Variants in HHIP observed in about 807,000 individuals in gnomAD.
The protein encoded by HHIP is hedgehog interacting protein, also known as hedgehog-interacting protein.
HHIP carries 12 observed loss-of-function variants against 74.0 expected under a neutral mutation model. The ratio of observed to expected loss-of-function variants is 0.16; its 90% CI spans 0.10 to 0.26. The LOEUF (loss-of-function observed/expected upper bound fraction) is 0.26. Among genes scored for constraint, HHIP ranks in the 10% least tolerant of loss-of-function variants. The pLI is 1.00. For missense variants in HHIP, 788 were observed against 845.0 expected (o/e 0.93, Z 0.84); for synonymous variants, 309 against 311.6 (o/e 0.99, Z 0.09).
chr4:144,717,430 C>A (rs1730485391), intron 10 of HHIP, among the ~76,000 whole-genome samples: 1 of 151,836 alleles, frequency 6.6e-6, no homozygotes, highest in African/African-American at 2.4e-5. Flanking sequence ...CTGTGTAAAT[C>A]CTTTTCAGAA....
At chr4:144,717,594 A>G (rs1348497083) in intron 10 of HHIP, among the ~76,000 whole-genome samples, 1 of 152,192 alleles carries the variant, frequency 6.6e-6, no homozygotes, top group Non-Finnish European at 1.5e-5. Context: ...TGATCAATTC[A>G]ACACATAGAA....
At chr4:144,676,464 G>A (rs1210510695) in intron 4 of HHIP, among the ~76,000 whole-genome samples, 1 of 152,146 alleles carries the variant, frequency 6.6e-6, no homozygotes, top group African/African-American at 2.4e-5. Context: ...TTTTTGTTTG[G>A]TCAAAAATTT....
At chr4:144,660,262 T>A in intron 4 of HHIP, 1 of 211,284 alleles carries the variant, frequency 4.7e-6, no homozygotes, top group Non-Finnish European at 9.3e-6. Context: ...TAAAAAATAC[T>A]ACTTATACTA....
chr4:144,651,620 G>A (rs1728430532), intron 1 of HHIP, among the ~76,000 whole-genome samples: 1 of 151,940 alleles, frequency 6.6e-6, no homozygotes, highest in Non-Finnish European at 1.5e-5. Context: ...CCATTATGAT[G>A]TTTTTAATAT....
At chr4:144,664,429 G>T (rs560007373) in intron 4 of HHIP, among the ~76,000 whole-genome samples, 1 of 152,188 alleles carries the variant, frequency 6.6e-6, no homozygotes, top group Admixed American at 6.5e-5. Flanking sequence ...TGAAATCTAA[G>T]TCCTCATCAA....
intron 4 of HHIP, among the ~76,000 whole-genome samples, chr4:144,699,215 T>C (rs1729909220): frequency 6.6e-6 from 1 of 152,158 alleles, no homozygotes; most frequent in Non-Finnish European, 1.5e-5. Context: ...ATTTGGGGGT[T>C]CTCATAATTC....
intron 2 of HHIP, among the ~76,000 whole-genome samples, chr4:144,656,779 G>C (rs777696739): frequency 1.3e-5 from 2 of 151,996 alleles, no homozygotes; most frequent in African/African-American, 2.4e-5. Context: ...ACTGTGCAAA[G>C]AGTTTGATTT....
Position 144,707,159 on chromosome 4 carries a change from T to C in HHIP, c.1056T>C (p.His352=). Residue 352 remains histidine (H), a synonymous_variant, in exon 6 of 13, where the codon CAT becomes CAC. Transcript: ENST00000296575. The part of the protein sequence containing the change: ...FLEVAELHRK[H]LGGQLLFGPD... ...AAGTTGCAGAACTCCACAGAAAGCA[T>C]CTGGGAGGACAACTGCTCTTTGGCC... 1.2e-6 allele frequency: 2 copies of C among 1,614,044 alleles called. No homozygotes were observed. Among genetic ancestry groups the C allele is most frequent in the African/African-American group, 1.3e-5 (1 of 75,042 alleles).
chr4:144,719,012 A>G (rs1321977735), intron 11 of HHIP, 56 bp downstream of exon 11: 6 of 1,051,988 alleles, frequency 5.7e-6, no homozygotes, highest in Non-Finnish European at 8.9e-6. Context: ...CAATTATTTT[A>G]GTTCATTCAA....
intron 1 of HHIP, among the ~76,000 whole-genome samples, chr4:144,651,561 T>C (rs1728428865): frequency 6.6e-6 from 1 of 152,034 alleles, no homozygotes; most frequent in African/African-American, 2.4e-5. Context: ...TCTAAAGAAG[T>C]AATAAAGTAT....
At chr4:144,689,781 A>G (rs532296613) in intron 4 of HHIP, among the ~76,000 whole-genome samples, 1 of 152,252 alleles carries the variant, frequency 6.6e-6, no homozygotes, top group African/African-American at 2.4e-5. Flanking sequence ...TTACTCTAAT[A>G]TCTTTTCTAG....
Position 144,698,283 on chromosome 4 carries a change from T to C in HHIP, c.832-8248T>C, listed in dbSNP as rs148382560. On this transcript the variant is annotated intron_variant, in intron 4 of 12. Coordinates refer to ENST00000296575, the MANE Select transcript of HHIP (RefSeq NM_022475.3). ...CATTTGAAAATTGTATATGCAGTTATGCACTGCATAAAGACATTTGAGTCA... is the reference window on the plus strand; with the variant it reads ...CATTTGAAAATTGTATATGCAGTTACGCACTGCATAAAGACATTTGAGTCA... 3.1e-3 allele frequency among the ~76,000 whole-genome samples: 474 copies of C among 152,328 alleles called. 4 individuals carry two copies. Among genetic ancestry groups the C allele is most frequent in the African/African-American group, 0.011 (456 of 41,578 alleles).
chr4:144,736,136 C>CTTTT (rs36088965), intron 12 of HHIP, among the ~76,000 whole-genome samples: 4,022 of 128,180 alleles, frequency 0.031, 212 homozygotes, highest in Non-Finnish European at 0.043. Flanking sequence ...TTTTCTGCAT[C>CTTTT]TTTTTTTTTT....
chr4:144,720,089 T>A lies in HHIP; in HGVS notation c.1760+1133T>A, dbSNP rs6824479. On this transcript the variant is annotated intron_variant, in intron 11 of 12. Transcript: ENST00000296575. ...TATCACATATCACAGGTTGATAACA[T>A]CCCTTCTCTATTTAACTGTATACAT... Among the ~76,000 whole-genome samples, 1,421 of 152,316 alleles carry A rather than the reference T, an allele frequency of 9.3e-3. 19 individuals are homozygous for A. The highest frequency in any genetic ancestry group is 0.033 in the African/African-American group (1,368 of 41,568).
rs1161806161 is a variant in HHIP, at chr4:144,658,873, A to G, written c.556A>G (p.Lys186Glu). 6.2e-7 allele frequency: 1 copy of G among 1,613,846 alleles called. No individual in the cohort carries two copies. Among genetic ancestry groups the G allele is most frequent in the Non-Finnish European group, 8.5e-7 (1 of 1,179,790 alleles). Residue 186 changes from lysine (K) to glutamate (E), a missense_variant, in exon 3 of 13, where the codon AAA becomes GAA. By Grantham distance (56) the Lys-to-Glu change is moderately conservative (BLOSUM62 1). Transcript: ENST00000296575. ...GGLCFPDFPR[K>E]QVRGPASNYL... The stretch of plus-strand genomic sequence containing the variant: ...GTTGTGCTTTCCAGATTTTCCAAGA[A>G]AACAAGTCAGAGGACCAGCATCTAA...
chr4:144,700,055 G>A (rs986407690), intron 4 of HHIP, among the ~76,000 whole-genome samples: 3 of 152,116 alleles, frequency 2.0e-5, no homozygotes, highest in African/African-American at 4.8e-5. Context: ...TTGGAATCTC[G>A]TTTGACTAAC....
intron 11 of HHIP, among the ~76,000 whole-genome samples, chr4:144,731,212 G>A (rs1730944455): frequency 6.6e-6 from 1 of 151,918 alleles, no homozygotes; most frequent in Admixed American, 6.6e-5. Flanking sequence ...AACATAGAAG[G>A]GGCACAAACA....
chr4:144,743,251 T>G lies in HHIP; in HGVS notation c.*5294T>G, dbSNP rs973408317. ...CAGTCATAGTGGTGGTTTTCCTAGC[T>G]GCTATGGAAAGGTTTGTTCACTTAT... On this transcript the variant is annotated 3_prime_UTR_variant, in exon 13 of 13. Coordinates refer to ENST00000296575, the MANE Select transcript of HHIP (RefSeq NM_022475.3). 1.3e-5 allele frequency: 2 copies of G among 151,360 alleles called. No individual in the cohort carries two copies. Among genetic ancestry groups the G allele is most frequent in the African/African-American group, 4.8e-5 (2 of 41,238 alleles). The allele number at this position is 151,360 out of a possible 1,614,324, so 9.4% of individuals were successfully genotyped here. A position where few individuals can be genotyped will look rare whatever the true frequency, so the allele number is the denominator to read the frequency against.
intron 10 of HHIP, among the ~76,000 whole-genome samples, chr4:144,718,257 A>T (rs914874331): frequency 6.6e-6 from 1 of 152,166 alleles, no homozygotes; most frequent in Non-Finnish European, 1.5e-5. Flanking sequence ...GAAGGGGGGA[A>T]AAAATGAACC....
Sources: gnomAD v4.1 joint callset for allele counts (sites outside exome capture counted in the v4.1 genomes callset) on GRCh38, gnomAD v4.1.1 for gene constraint, MANE v1.5 for transcripts, NCBI Gene and HGNC (gene_info 2026-07-23, HGNC 2026-07-21) for gene names.